RHOJ: variants seen among roughly 807,000 people sequenced by gnomAD.
RHOJ encodes rho-related GTP-binding protein RhoJ.
In RHOJ, 11 loss-of-function variants were observed where a neutral mutation model predicts 23.4. The ratio of observed to expected loss-of-function variants is 0.47; its 90% CI spans 0.30 to 0.78. The LOEUF is 0.78. Ranked by LOEUF, RHOJ falls within the 30% of genes least tolerant of loss-of-function variation. RHOJ has a pLI of 0.08. For missense variants in RHOJ, 254 were observed against 273.4 expected (o/e 0.93, Z 0.50); for synonymous variants, 102 against 102.7 (o/e 0.99, Z 0.04).
intron 1 of RHOJ, among the ~76,000 whole-genome samples, chr14:63,210,018 G>C (rs1474931385): frequency 3.4e-5 from 5 of 146,836 alleles, no homozygotes; most frequent in Non-Finnish European, 7.4e-5. Flanking sequence ...AGAGTGCAGT[G>C]GCACAATCTC....
At chr14:63,261,907 C>T (rs371863598) in intron 1 of RHOJ, among the ~76,000 whole-genome samples, 7 of 152,156 alleles carry the variant, frequency 4.6e-5, no homozygotes, top group African/African-American at 1.4e-4. Flanking sequence ...TTATATTTCT[C>T]GCTATATCCA....
At chr14:63,251,665 C>T (rs1174155059) in intron 1 of RHOJ, among the ~76,000 whole-genome samples, 3 of 152,202 alleles carry the variant, frequency 2.0e-5, no homozygotes, top group Admixed American at 6.5e-5. Flanking sequence ...TGATTTCCGT[C>T]ACATGGAAAT....
intron 3 of RHOJ, among the ~76,000 whole-genome samples, chr14:63,282,300 A>G (rs1379250071): frequency 6.7e-6 from 1 of 149,246 alleles, no homozygotes; most frequent in African/African-American, 2.6e-5. Flanking sequence ...ACACACACAC[A>G]CACACACACA....
chr14:63,283,216 G>T lies in RHOJ; in HGVS notation c.498G>T (p.Ala166=). Residue 166 remains alanine (A), a splice_region_variant and synonymous_variant, in exon 4 of 5, where the codon GCG becomes GCT. Transcript: ENST00000316754. ...TYEHGVKLAK[A]IGAQCYLECS... ...AGCATGGTGTGAAGCTCGCAAAAGC[G>T]GTACAGTCAGATTTGAATTTCATTT... 6.2e-7 allele frequency: 1 copy of T among 1,609,858 alleles called. No individual in the cohort carries two copies. The highest frequency in any genetic ancestry group is 8.5e-7 in the Non-Finnish European group (1 of 1,176,316).
intron 4 of RHOJ, 32 bp downstream of exon 4, chr14:63,283,248 T>C: frequency 6.5e-7 from 1 of 1,541,540 alleles, no homozygotes; most frequent in Non-Finnish European, 9.0e-7. Flanking sequence ...ATTTTAAATG[T>C]ATGCTGAGAG....
In RHOJ at chr14:63,204,864, G is replaced by C. The variant is rs766379460; in HGVS notation, c.-6G>C. 1 of 1,609,736 alleles carries C rather than the reference G, an allele frequency of 6.2e-7. No individual in the cohort carries two copies. Among genetic ancestry groups the C allele is most frequent in the East Asian group, 2.2e-5 (1 of 44,694 alleles). ...GCAGGAGTCCCCAGCAGCTGGAGCC[G>C]CAAGAATGAACTGCAAAGAGGGAAC... On this transcript the variant is annotated 5_prime_UTR_variant, in exon 1 of 5. Coordinates refer to ENST00000316754, the MANE Select transcript of RHOJ (RefSeq NM_020663.5).
chr14:63,290,113 C>T (rs1882200254), intron 4 of RHOJ, among the ~76,000 whole-genome samples: 1 of 152,074 alleles, frequency 6.6e-6, no homozygotes, highest in African/African-American at 2.4e-5. Context: ...CTTGGTGGCA[C>T]ACGCCTGTAA....
At chr14:63,267,467 A>G (rs1895388991) in intron 1 of RHOJ, among the ~76,000 whole-genome samples, 1 of 152,226 alleles carries the variant, frequency 6.6e-6, no homozygotes, top group African/African-American at 2.4e-5. Flanking sequence ...TCTCTGGAAC[A>G]GCTGCCCCTG....
At chr14:63,206,496 C>T (rs759956009) in intron 1 of RHOJ, among the ~76,000 whole-genome samples, 8 of 152,212 alleles carry the variant, frequency 5.3e-5, no homozygotes, top group Non-Finnish European at 7.3e-5. Context: ...ATTTACTCTA[C>T]ACCTTCTTTC....
Position 63,283,115 on chromosome 14 carries a change from T to G in RHOJ, c.403-6T>G. ...AAATAAGTTTTCACGTGTGTTTTCT[T>G]GCCAGATTGATCTCCGTGATGACCC... On this transcript the variant is annotated splice_region_variant and splice_polypyrimidine_tract_variant and intron_variant, in intron 3 of 4. Coordinates refer to ENST00000316754, the MANE Select transcript of RHOJ (RefSeq NM_020663.5). 1.9e-6 allele frequency: 3 copies of G among 1,611,376 alleles called. No homozygotes were observed. Among genetic ancestry groups the G allele is most frequent in the Non-Finnish European group, 2.5e-6 (3 of 1,177,512 alleles).
chr14:63,246,931 C>A (rs1424074288), intron 1 of RHOJ, among the ~76,000 whole-genome samples: 2 of 152,100 alleles, frequency 1.3e-5, no homozygotes, highest in Non-Finnish European at 2.9e-5. Context: ...CAGAGTCAGC[C>A]CTTAGTGGAA....
intron 1 of RHOJ, among the ~76,000 whole-genome samples, chr14:63,237,326 GCT>G (rs1894807345): frequency 1.3e-5 from 2 of 151,928 alleles, no homozygotes; most frequent in South Asian, 4.2e-4. Flanking sequence ...ATATTAACCA[GCT>G]CAGTTTATTT....
chr14:63,289,597 T>C (rs945499908), intron 4 of RHOJ, among the ~76,000 whole-genome samples: 2 of 152,244 alleles, frequency 1.3e-5, no homozygotes, highest in African/African-American at 4.8e-5. Context: ...TGACTCTTCC[T>C]GAGCTTATGA....
intron 1 of RHOJ, among the ~76,000 whole-genome samples, chr14:63,250,609 C>A (rs1396496882): frequency 2.3e-4 from 35 of 152,170 alleles, no homozygotes; most frequent in Admixed American, 2.3e-3. Context: ...CCCATACACA[C>A]ACACACAAAT....
intron 2 of RHOJ, among the ~76,000 whole-genome samples, chr14:63,275,140 C>G (rs915581473): frequency 2.0e-5 from 3 of 152,004 alleles, no homozygotes; most frequent in Non-Finnish European, 4.4e-5. Flanking sequence ...GGCAACATAG[C>G]GAGACCCTAT....
intron 1 of RHOJ, among the ~76,000 whole-genome samples, chr14:63,212,508 G>A (rs185941703): frequency 3.8e-4 from 58 of 152,224 alleles, no homozygotes; most frequent in African/African-American, 1.3e-3. Flanking sequence ...TGATCTAAAC[G>A]TGATTCCTTG....
chr14:63,236,200 T>G (rs1217888781), intron 1 of RHOJ, among the ~76,000 whole-genome samples: 1 of 152,206 alleles, frequency 6.6e-6, no homozygotes, highest in African/African-American at 2.4e-5. Flanking sequence ...TCACCTGACA[T>G]AGTACCTTTT....
intron 2 of RHOJ, among the ~76,000 whole-genome samples, chr14:63,277,266 G>A (rs1377246545): frequency 1.3e-5 from 2 of 152,120 alleles, no homozygotes; most frequent in African/African-American, 2.4e-5. Flanking sequence ...GTTCCATCAG[G>A]AGGATGCAAT....
At chr14:63,205,905 A>G (rs753697005) in intron 1 of RHOJ, among the ~76,000 whole-genome samples, 2 of 152,226 alleles carry the variant, frequency 1.3e-5, no homozygotes, top group African/African-American at 4.8e-5. Context: ...TATTAAGTTT[A>G]TCAAAAGCAA....
Sources: gnomAD v4.1 joint callset for allele counts (sites outside exome capture counted in the v4.1 genomes callset) on GRCh38, gnomAD v4.1.1 for gene constraint, MANE v1.5 for transcripts, NCBI Gene and HGNC (gene_info 2026-07-23, HGNC 2026-07-21) for gene names.